The following NETO1 variants were observed in gnomAD, a reference collection of about 807,000 sequenced individuals.
NETO1 encodes the protein neuropilin and tolloid-like protein 1.
A neutral mutation model predicts 61.3 loss-of-function variants in NETO1; 26 were observed. The ratio of observed to expected loss-of-function variants is 0.42; its 90% CI spans 0.31 to 0.59. The LOEUF (loss-of-function observed/expected upper bound fraction) is 0.59, where lower values mean the gene tolerates loss of function less well. Ranked by LOEUF, NETO1 falls within the 20% of genes least tolerant of loss-of-function variation. NETO1 has a pLI of 0.12. For synonymous variants in NETO1, 225 were observed against 225.8 expected, an observed-to-expected ratio of 1.00 and a Z score of 0.03; for missense variants, 531 against 662.8, an observed-to-expected ratio of 0.80 and a Z score of 2.18.
intron 4 of NETO1, among the ~76,000 whole-genome samples, chr18:72,831,816 G>A (rs1388619899): frequency 6.6e-6 from 1 of 151,596 alleles, no homozygotes; most frequent in Non-Finnish European, 1.5e-5. Flanking sequence ...TGCAATTTTT[G>A]TGGTGGAAAA....
intron 4 of NETO1, among the ~76,000 whole-genome samples, chr18:72,815,319 A>T (rs1264826996): frequency 6.6e-6 from 1 of 152,220 alleles, no homozygotes; most frequent in Non-Finnish European, 1.5e-5. Context: ...ACAAATTAAA[A>T]TTAGGAATTT....
intron 4 of NETO1, chr18:72,834,641 T>C: frequency 2.0e-6 from 2 of 984,000 alleles, no homozygotes; most frequent in Non-Finnish European, 2.4e-6. Context: ...AATTACTTAA[T>C]TCATTTATGT....
chr18:72,748,211 A>C, intron 10 of NETO1, 47 bp from the exon 11 acceptor site: 3 of 981,484 alleles, frequency 3.1e-6, no homozygotes, highest in Non-Finnish European at 3.6e-6. Flanking sequence ...TGAAAAATGC[A>C]TACAAATACA....
At position 72,797,933 on chromosome 18, in the gene NETO1, T is replaced by C. The variant is rs1397681461; in HGVS notation, c.470-3529A>G. Among the ~76,000 whole-genome samples, 8 of 152,258 alleles carry C rather than the reference T, an allele frequency of 5.3e-5. 1 individual carries two copies. The highest frequency in any genetic ancestry group is 1.2e-4 in the Non-Finnish European group (8 of 68,048). ...TCTTTGGTTTTTGGTTCAAATATTA[T>C]ATTCTCAGAAACGCCTTCCTTGACA... On this transcript the variant is annotated intron_variant, in intron 4 of 10. Transcript: ENST00000327305.
chr18:72,766,357 T>A (rs1378271982), intron 7 of NETO1, among the ~76,000 whole-genome samples: 16 of 151,968 alleles, frequency 1.1e-4, no homozygotes, highest in Non-Finnish European at 1.5e-4. Flanking sequence ...ACAAAACAAT[T>A]TTTTTCCAAA....
chr18:72,803,977 C>T (rs181721470), intron 4 of NETO1, among the ~76,000 whole-genome samples: 12 of 152,002 alleles, frequency 7.9e-5, no homozygotes, highest in South Asian at 6.2e-4. Context: ...ACCTGACACT[C>T]GATTTGCAAA....
intron 4 of NETO1, among the ~76,000 whole-genome samples, chr18:72,842,579 C>A (rs770557485): frequency 6.6e-6 from 1 of 152,090 alleles, no homozygotes; most frequent in Non-Finnish European, 1.5e-5. Context: ...AAGATAAATT[C>A]TAGAATCACC....
chr18:72,804,049 T>A (rs1268553196), intron 4 of NETO1, among the ~76,000 whole-genome samples: 1 of 152,078 alleles, frequency 6.6e-6, no homozygotes, highest in Non-Finnish European at 1.5e-5. Context: ...TTCATATTAA[T>A]TTATATTTTA....
At chr18:72,852,199 CT>C (rs753419896) in intron 4 of NETO1, among the ~76,000 whole-genome samples, 2 of 152,226 alleles carry the variant, frequency 1.3e-5, no homozygotes, top group African/African-American at 2.4e-5. Context: ...ACCTTTCTTC[CT>C]TTTCATGTTT....
intron 7 of NETO1, among the ~76,000 whole-genome samples, chr18:72,776,136 T>C (rs1234680585): frequency 6.6e-6 from 1 of 152,208 alleles, no homozygotes; most frequent in African/African-American, 2.4e-5. Context: ...GCGAGGGATC[T>C]CATGCTTTGT....
At chr18:72,852,511 G>A (rs552833611) in intron 4 of NETO1, among the ~76,000 whole-genome samples, 4 of 152,048 alleles carry the variant, frequency 2.6e-5, no homozygotes, top group South Asian at 2.1e-4. Context: ...CACCGTGCCC[G>A]GCCGGAAGAC....
chr18:72,779,634 A>G (rs2071671444), intron 7 of NETO1, among the ~76,000 whole-genome samples: 1 of 152,192 alleles, frequency 6.6e-6, no homozygotes, highest in Non-Finnish European at 1.5e-5. Context: ...TTTCACTTCA[A>G]TGAATAAAGA....
rs78086095 is a variant in NETO1, at chr18:72,818,232, C to T, written c.470-23828G>A. On this transcript the variant is annotated intron_variant, in intron 4 of 10. Coordinates refer to ENST00000327305, the MANE Select transcript of NETO1 (RefSeq NM_138966.5). ...ACTAAATAAAATGAATCTGACCATG[C>T]TGTCTATTCACTGTTAGAAGAATCC... is the stretch of plus-strand genomic sequence containing the variant. Among the ~76,000 whole-genome samples the T allele has an allele frequency of 7.2e-5, 11 of 152,294 alleles. No individual in the cohort carries two copies. The East Asian group carries it at 2.1e-3, about 29-fold the overall frequency.
chr18:72,812,124 G>C (rs2072887609), intron 4 of NETO1, among the ~76,000 whole-genome samples: 1 of 152,232 alleles, frequency 6.6e-6, no homozygotes, highest in Admixed American at 6.5e-5. Context: ...TGTTTAAGTG[G>C]TGAAATCACT....
intron 4 of NETO1, among the ~76,000 whole-genome samples, chr18:72,809,440 G>A (rs1273425765): frequency 6.6e-6 from 1 of 152,166 alleles, no homozygotes; most frequent in Non-Finnish European, 1.5e-5. Context: ...TCGCTTCTAA[G>A]AGACTGGGGT....
At chr18:72,819,501 A>G (rs2073127963) in intron 4 of NETO1, among the ~76,000 whole-genome samples, 1 of 152,232 alleles carries the variant, frequency 6.6e-6, no homozygotes, top group Non-Finnish European at 1.5e-5. Flanking sequence ...ATAGCTTCAT[A>G]ACATTCCTAA....
chr18:72,782,521 G>A (rs1172785352), intron 7 of NETO1, among the ~76,000 whole-genome samples: 1 of 152,094 alleles, frequency 6.6e-6, no homozygotes, highest in Non-Finnish European at 1.5e-5. Context: ...CAGCTATTCT[G>A]AGGCCAGGCA....
intron 7 of NETO1, among the ~76,000 whole-genome samples, chr18:72,781,320 T>G: frequency 6.6e-6 from 1 of 152,134 alleles, no homozygotes; most frequent in Non-Finnish European, 1.5e-5. Flanking sequence ...ACCCTGAAAT[T>G]CCCTCACTGA....
intron 7 of NETO1, among the ~76,000 whole-genome samples, chr18:72,762,729 C>T (rs939842424): frequency 6.6e-6 from 1 of 152,152 alleles, no homozygotes; most frequent in African/African-American, 2.4e-5. Context: ...AGGTGGCGAA[C>T]TTACATCAGA....
Sources: allele counts gnomAD v4.1 joint callset (sites outside exome capture counted in the v4.1 genomes callset), GRCh38; gene constraint gnomAD v4.1.1; transcripts MANE v1.5; gene names NCBI Gene and HGNC (gene_info 2026-07-23, HGNC 2026-07-21).